Variants in GORASP2 observed in about 807,000 individuals in gnomAD.
GORASP2 encodes Golgi reassembly-stacking protein 2.
GORASP2 carries 22 observed loss-of-function variants against 45.7 expected under a neutral mutation model. The observed-to-expected ratio is 0.48, with a 90% confidence interval of 0.34 to 0.69. The LOEUF (loss-of-function observed/expected upper bound fraction) is 0.69, where lower values mean the gene tolerates loss of function less well. Among genes scored for constraint, GORASP2 ranks in the 30% least tolerant of loss-of-function variants. GORASP2 has a pLI of 0.01. For synonymous variants in GORASP2, 221 were observed against 215.6 expected (o/e 1.02, Z -0.22); for missense variants, 491 against 562.7 (o/e 0.87, Z 1.29).
At chr2:170,940,775 C>G (rs1487095354) in intron 1 of GORASP2, among the ~76,000 whole-genome samples, 2 of 152,016 alleles carry the variant, frequency 1.3e-5, no homozygotes, top group East Asian at 3.9e-4. Context: ...GTACATACTA[C>G]ATTTCATGAA....
chr2:170,950,256 AT>A lies in GORASP2; in HGVS notation c.403del (p.Tyr135IlefsTer2). On this transcript the variant is annotated frameshift_variant, in exon 4 of 10. Coordinates refer to ENST00000234160, the MANE Select transcript of GORASP2 (RefSeq NM_015530.5). LOFTEE classifies it high-confidence loss of function. ...CTGGCAGGTCTTAGACCACACAGTG[AT>A]TATATAATTGGAGCAGATACAGTCA... Reference protein sequence around the residue: ...AALAGLRPHSDYIIGADTVMN... With the variant: ...AALAGLRPHSXYIIGADTVMN... The A allele has an allele frequency of 6.3e-7, 1 of 1,576,026 alleles. No individual in the cohort carries two copies. The highest frequency in any genetic ancestry group is 8.7e-7 in the Non-Finnish European group (1 of 1,155,708).
intron 1 of GORASP2, among the ~76,000 whole-genome samples, chr2:170,936,947 G>A (rs1245852674): frequency 1.3e-5 from 2 of 152,054 alleles, no homozygotes; most frequent in African/African-American, 2.4e-5. Context: ...GGTGGCTCAC[G>A]CCTGTAATCC....
chr2:170,966,044 G>C lies in GORASP2; in HGVS notation c.1273G>C (p.Val425Leu). 3.1e-6 allele frequency: 5 copies of C among 1,613,962 alleles called. No individual in the cohort carries two copies. The highest frequency in any genetic ancestry group is 4.2e-6 in the Non-Finnish European group (5 of 1,179,928). The part of the protein sequence containing the change: ...TPPTAKAPTT[V>L]EDRVGDSTPV... ...CCCCACTGCCAAGGCCCCCACCACC[G>C]TTGAGGACAGAGTCGGCGACTCCAC... Residue 425 changes from valine to leucine, a missense_variant, in exon 10 of 10, where the codon GTT becomes CTT. Transcript: ENST00000234160.
intron 4 of GORASP2, among the ~76,000 whole-genome samples, chr2:170,951,062 A>G (rs971725981): frequency 1.3e-5 from 2 of 152,230 alleles, no homozygotes; most frequent in East Asian, 3.8e-4. Context: ...TAAAAGCAGA[A>G]TATGTAGAAC....
chr2:170,930,973 CAAAA>C (rs11286018), intron 1 of GORASP2, among the ~76,000 whole-genome samples: 2 of 93,776 alleles, frequency 2.1e-5, no homozygotes, highest in African/African-American at 6.4e-5. Flanking sequence ...TGTTAATAAG[CAAAA>C]AAAAAAAAAA....
intron 1 of GORASP2, among the ~76,000 whole-genome samples, chr2:170,942,833 T>C (rs1704107451): frequency 6.6e-6 from 1 of 152,202 alleles, no homozygotes; most frequent in African/African-American, 2.4e-5. Context: ...AGCAAATGTA[T>C]GAGTGTTCCA....
In GORASP2 at chr2:170,931,213, C is replaced by T. The variant is rs199971672; in HGVS notation, c.63+1810C>T. Among the ~76,000 whole-genome samples, 15 of 152,304 alleles carry T rather than the reference C, an allele frequency of 9.8e-5. No individual in the cohort carries two copies. The East Asian group carries it at 2.5e-3, about 25-fold the overall frequency. ...ATCTGCATCTGGAGCATTAATGTTGCACACGATGAAATAATTCTTATTTAG... is the reference window on the plus strand; with the variant it reads ...ATCTGCATCTGGAGCATTAATGTTGTACACGATGAAATAATTCTTATTTAG... On this transcript the variant is annotated intron_variant, in intron 1 of 9. Transcript: ENST00000234160.
intron 1 of GORASP2, among the ~76,000 whole-genome samples, chr2:170,945,241 A>G (rs983835873): frequency 2.0e-5 from 3 of 152,158 alleles, no homozygotes; most frequent in African/African-American, 7.2e-5. Flanking sequence ...TGGGAGGATC[A>G]CTTGAGACTA....
At chr2:170,930,992 T>A (rs1291230892) in intron 1 of GORASP2, among the ~76,000 whole-genome samples, 1 of 139,524 alleles carries the variant, frequency 7.2e-6, no homozygotes, top group African/African-American at 2.6e-5. Flanking sequence ...AAAAAAAAAG[T>A]CGCGTGTTTG....
intron 5 of GORASP2, chr2:170,953,939 T>A (rs1349198242): frequency 6.6e-6 from 1 of 152,240 alleles, no homozygotes; most frequent in East Asian, 1.9e-4. Flanking sequence ...GGGCAGACAC[T>A]CTGATTGACA....
chr2:170,930,702 C>T (rs1279771427), intron 1 of GORASP2, among the ~76,000 whole-genome samples: 1 of 151,876 alleles, frequency 6.6e-6, no homozygotes, highest in East Asian at 1.9e-4. Flanking sequence ...ACCGTATTAT[C>T]TTCCTATCCC....
chr2:170,930,554 G>A (rs973313555), intron 1 of GORASP2, among the ~76,000 whole-genome samples: 1 of 152,146 alleles, frequency 6.6e-6, no homozygotes, highest in Non-Finnish European at 1.5e-5. Context: ...ATAGGGCTGA[G>A]ACAGATCATC....
At chr2:170,940,597 T>A (rs2105315072) in intron 1 of GORASP2, among the ~76,000 whole-genome samples, 1 of 151,470 alleles carries the variant, frequency 6.6e-6, no homozygotes, top group South Asian at 2.1e-4. Context: ...AAACTTTTAA[T>A]GATACGGGAT....
At position 170,949,755 on chromosome 2, in the gene GORASP2, T is replaced by C. The variant is rs1454270660; in HGVS notation, c.348+13T>C. On this transcript the variant is annotated intron_variant, in intron 3 of 9. Transcript: ENST00000234160. ...TTGGCATGTGCTGGTACGTATCAAC[T>C]GTGAACTGTTACTGGAGGTTCATGA... The C allele has an allele frequency of 1.9e-6, 3 of 1,557,886 alleles. No individual in the cohort carries two copies. In the African/African-American group the frequency reaches 4.1e-5, roughly 21 times the overall value.
chr2:170,961,112 C>T (rs1002850811), intron 7 of GORASP2, among the ~76,000 whole-genome samples: 2 of 152,222 alleles, frequency 1.3e-5, no homozygotes, highest in African/African-American at 4.8e-5. Context: ...AGGACTGTCA[C>T]AGAACCTAAG....
At chr2:170,954,581 CA>C (rs1388881663) in intron 5 of GORASP2, 68 bp from the exon 6 acceptor site, 92 of 1,361,778 alleles carry the variant, frequency 6.8e-5, no homozygotes, top group Admixed American at 1.4e-4. Flanking sequence ...CCGCCCCCCC[CA>C]AAAAAAACAC....
intron 1 of GORASP2, among the ~76,000 whole-genome samples, chr2:170,944,717 C>T (rs1575472299): frequency 6.6e-6 from 1 of 152,116 alleles, no homozygotes; most frequent in East Asian, 1.9e-4. Flanking sequence ...AAAGTGCTGT[C>T]TTTAGCCCTT....
rs367600576 is a variant in GORASP2, at chr2:170,935,558, C to G, written c.63+6155C>G. Among the ~76,000 whole-genome samples, 902 of 151,594 alleles carry G rather than the reference C, an allele frequency of 6.0e-3. 8 individuals are homozygous for G. The highest frequency in any genetic ancestry group is 0.02 in the African/African-American group (843 of 41,346). On this transcript the variant is annotated intron_variant, in intron 1 of 9. Transcript: ENST00000234160. Reference sequence around the variant, plus strand: ...GTGGGAGCCACTGCACCCAGCACCCCCAACGCCCCACCTCTTTTTTTTTTT... The same window carrying G: ...GTGGGAGCCACTGCACCCAGCACCCGCAACGCCCCACCTCTTTTTTTTTTT...
At chr2:170,947,640 C>G (rs757574288) in intron 1 of GORASP2, among the ~76,000 whole-genome samples, 1 of 152,136 alleles carries the variant, frequency 6.6e-6, no homozygotes, top group Admixed American at 6.5e-5. Flanking sequence ...GACTATGTGC[C>G]TGTATTTGCT....
Sources: gnomAD v4.1 joint callset for allele counts (sites outside exome capture counted in the v4.1 genomes callset) on GRCh38, gnomAD v4.1.1 for gene constraint, MANE v1.5 for transcripts, NCBI Gene and HGNC (gene_info 2026-07-23, HGNC 2026-07-21) for gene names.